Variants in SPON1 observed in about 807,000 individuals in gnomAD.
SPON1 encodes the protein spondin-1.
A neutral mutation model predicts 111.7 loss-of-function variants in SPON1; 52 were observed. That is an observed-to-expected ratio of 0.47 (90% confidence interval 0.37 to 0.59). The LOEUF is 0.59. SPON1 is among the 20% of genes least tolerant of loss of function. The pLI, the probability that SPON1 is intolerant of heterozygous loss-of-function variation, is 0.00. For missense variants in SPON1, 957 were observed against 1,068.5 expected (o/e 0.90, Z 1.46); for synonymous variants, 410 against 395.8 (o/e 1.04, Z -0.43).
At chr11:14,182,720 T>G (rs1260776147) in intron 6 of SPON1, among the ~76,000 whole-genome samples, 1 of 152,150 alleles carries the variant, frequency 6.6e-6, no homozygotes, top group Non-Finnish European at 1.5e-5. Context: ...CATAAAAGGC[T>G]CCTTTTTCTA....
Position 14,212,380 on chromosome 11 carries a change from T to C in SPON1, c.826-30952T>C, listed in dbSNP as rs564153404. On this transcript the variant is annotated intron_variant, in intron 6 of 15. Coordinates refer to ENST00000576479, the MANE Select transcript of SPON1 (RefSeq NM_006108.4). ...CATTGCGTCATTTTTAAATATAAGA[T>C]TGAATTAAAATCATATATGTTTATT... is the stretch of plus-strand genomic sequence containing the variant. Among the ~76,000 whole-genome samples, 20 of 152,360 alleles carry C rather than the reference T, an allele frequency of 1.3e-4. No individual in the cohort carries two copies. The South Asian group carries it at 3.7e-3, about 28-fold the overall frequency.
chr11:14,255,745 C>T lies in SPON1; in HGVS notation c.1191C>T (p.Ile397=). 2 of 1,613,932 alleles carry T rather than the reference C, an allele frequency of 1.2e-6. No individual in the cohort carries two copies. The highest frequency in any genetic ancestry group is 1.7e-6 in the Non-Finnish European group (2 of 1,179,882). ...TCTATGACCCAGAGGGTGGGTCCAT[C>T]ACTCAAGTAGCCAGAGTTGTCATCG... ...SPFYDPEGGS[I]TQVARVVIER... Residue 397 remains isoleucine (I), a synonymous_variant, in exon 9 of 16, where the codon ATC becomes ATT. Transcript: ENST00000576479.
chr11:14,124,901 A>G (rs532792197), intron 5 of SPON1, among the ~76,000 whole-genome samples: 41 of 152,368 alleles, frequency 2.7e-4, no homozygotes, highest in Middle Eastern at 3.4e-3. Context: ...TTTTCCTGGG[A>G]ACGGAAAAGT....
At chr11:14,263,501 AT>A (rs149364231) in intron 15 of SPON1, among the ~76,000 whole-genome samples, 18 of 151,338 alleles carry the variant, frequency 1.2e-4, no homozygotes, top group Admixed American at 6.6e-5. Flanking sequence ...AGACTTTATG[AT>A]TTTTTTTTGC....
intron 3 of SPON1, among the ~76,000 whole-genome samples, chr11:14,065,543 G>A (rs552716956): frequency 1.3e-5 from 2 of 152,296 alleles, no homozygotes; most frequent in African/African-American, 4.8e-5. Flanking sequence ...TTCTATTTTG[G>A]ATCAGAGCAT....
At chr11:13,997,982 T>C (rs1554912002) in intron 2 of SPON1, among the ~76,000 whole-genome samples, 1 of 152,134 alleles carries the variant, frequency 6.6e-6, no homozygotes, top group East Asian at 1.9e-4. Context: ...TTTCTTCCTC[T>C]TGGCTGGAAG....
intron 3 of SPON1, among the ~76,000 whole-genome samples, chr11:14,068,800 G>T (rs1270033378): frequency 6.6e-6 from 1 of 152,142 alleles, no homozygotes; most frequent in Non-Finnish European, 1.5e-5. Flanking sequence ...GTTTGATTGG[G>T]ATTCTAACAG....
intron 6 of SPON1, among the ~76,000 whole-genome samples, chr11:14,235,083 C>T (rs369489253): frequency 1.2e-3 from 183 of 152,192 alleles, no homozygotes; most frequent in African/African-American, 4.1e-3. Flanking sequence ...CTCTACCTGG[C>T]AGTGCTGGCA....
chr11:14,158,748 G>GT (rs1313325368), intron 6 of SPON1, among the ~76,000 whole-genome samples: 2 of 152,078 alleles, frequency 1.3e-5, no homozygotes, highest in Non-Finnish European at 2.9e-5. Flanking sequence ...ATTTTTTGTA[G>GT]TTGTTCTTGG....
intron 6 of SPON1, among the ~76,000 whole-genome samples, chr11:14,181,691 A>G (rs555289141): frequency 1.2e-4 from 18 of 152,344 alleles, no homozygotes; most frequent in African/African-American, 4.3e-4. Flanking sequence ...CCTGGGCTTC[A>G]GTTTTCTAAT....
At chr11:14,256,943 C>A (rs1849115715) in intron 10 of SPON1, among the ~76,000 whole-genome samples, 1 of 152,164 alleles carries the variant, frequency 6.6e-6, no homozygotes, top group African/African-American at 2.4e-5. Context: ...TCATGTAAAT[C>A]TCATTTTAAT....
In SPON1 at chr11:14,228,452, G is replaced by T. The variant is rs576288306; in HGVS notation, c.826-14880G>T. ...CTGTGGGAGGCAGGGGAAGGAAGCA[G>T]GATGTGCAGAGGGAGAAGTTGAGCT... is the stretch of plus-strand genomic sequence containing the variant. On this transcript the variant is annotated intron_variant, in intron 6 of 15. Coordinates refer to ENST00000576479, the MANE Select transcript of SPON1 (RefSeq NM_006108.4). The surrounding 1 kb of genome is among the most constrained non-coding windows in gnomAD (Gnocchi z 4.2). Among the ~76,000 whole-genome samples the T allele has an allele frequency of 7.9e-5, 12 of 152,318 alleles. 1 individual carries two copies. Among genetic ancestry groups the T allele is most frequent in the African/African-American group, 2.9e-4 (12 of 41,574 alleles).
intron 1 of SPON1, among the ~76,000 whole-genome samples, chr11:13,975,520 G>C (rs1200007340): frequency 6.6e-6 from 1 of 152,168 alleles, no homozygotes; most frequent in Non-Finnish European, 1.5e-5. Flanking sequence ...AGGTTATTAG[G>C]GGAGACAAGC....
At chr11:14,261,367 C>T (rs1267582261) in intron 14 of SPON1, among the ~76,000 whole-genome samples, 2 of 152,198 alleles carry the variant, frequency 1.3e-5, no homozygotes, top group African/African-American at 2.4e-5. Context: ...AAAGGGCAGG[C>T]ACACTGGCTG....
chr11:14,079,864 A>G (rs368179784), intron 4 of SPON1, 35 bp from the exon 5 acceptor site: 1 of 1,613,536 alleles, frequency 6.2e-7, no homozygotes, highest in Non-Finnish European at 8.5e-7. Context: ...ACCCACGTTT[A>G]CTTTCTAACT....
At chr11:14,050,134 T>C (rs918789800) in intron 3 of SPON1, among the ~76,000 whole-genome samples, 1 of 152,230 alleles carries the variant, frequency 6.6e-6, no homozygotes, top group Admixed American at 6.5e-5. Flanking sequence ...CTACAAGATA[T>C]GAGAACTCAT....
At chr11:14,136,065 G>A (rs1222224171) in intron 6 of SPON1, among the ~76,000 whole-genome samples, 2 of 152,194 alleles carry the variant, frequency 1.3e-5, no homozygotes, top group Admixed American at 6.5e-5. Flanking sequence ...GTGGGCCCAG[G>A]AGCAGTCCCA....
At chr11:14,148,003 A>G (rs1393083873) in intron 6 of SPON1, among the ~76,000 whole-genome samples, 1 of 152,124 alleles carries the variant, frequency 6.6e-6, no homozygotes, top group African/African-American at 2.4e-5. Context: ...TGACAACTAT[A>G]TTGTCAGAGG....
intron 6 of SPON1, among the ~76,000 whole-genome samples, chr11:14,152,050 C>A (rs1248048381): frequency 6.6e-6 from 1 of 152,170 alleles, no homozygotes; most frequent in Non-Finnish European, 1.5e-5. Context: ...TGGCCCAGTT[C>A]CTGCCTTGTA....
Sources: allele counts gnomAD v4.1 joint callset (sites outside exome capture counted in the v4.1 genomes callset), GRCh38; gene constraint gnomAD v4.1.1; non-coding constraint Gnocchi (gnomAD v3.1); transcripts MANE v1.5; gene names NCBI Gene and HGNC (gene_info 2026-07-23, HGNC 2026-07-21).